Variants in ABCA9 observed in about 807,000 individuals in gnomAD.
The protein encoded by ABCA9 is ATP-binding cassette sub-family A member 9.
ABCA9 carries 183 observed loss-of-function variants against 205.3 expected under a neutral mutation model. The observed-to-expected ratio is 0.89, with a 90% CI of 0.79 to 1.01. The LOEUF (loss-of-function observed/expected upper bound fraction) is 1.01. Ranked by LOEUF, ABCA9 falls within the 50% of genes least tolerant of loss-of-function variation. The pLI is 0.00. For missense variants in ABCA9, 1,805 were observed against 1,912.4 expected (o/e 0.94, Z 1.05); for synonymous variants, 651 against 683.3 (o/e 0.95, Z 0.74).
At chr17:69,000,435 A>T (rs1486574563) in intron 25 of ABCA9, among the ~76,000 whole-genome samples, 2 of 152,086 alleles carry the variant, frequency 1.3e-5, no homozygotes, top group Non-Finnish European at 2.9e-5. Context: ...TCAGATAGTT[A>T]TAGATAAGCG....
In ABCA9 at chr17:69,051,131, A is replaced by T; in HGVS notation, c.-5T>A. On this transcript the variant is annotated 5_prime_UTR_variant, in exon 2 of 39. Transcript: ENST00000340001. ...GCTCATGCGTCTCTTGCTCATTTTG[A>T]CCTGTTTCCTTTAAAAAGACAGAAA... is the stretch of plus-strand genomic sequence containing the variant. 6.2e-7 allele frequency: 1 copy of T among 1,613,126 alleles called. No homozygotes were observed. The highest frequency in any genetic ancestry group is 8.5e-7 in the Non-Finnish European group (1 of 1,179,572).
At chr17:69,073,405 C>T in the ABCA9 span, among the ~76,000 whole-genome samples, 4 of 152,208 alleles carry the variant, frequency 2.6e-5, no homozygotes, top group African/African-American at 9.6e-5. Context: ...AACAGTCTCT[C>T]AGAAGACAGT....
At chr17:68,997,182 C>T (rs7218100) in intron 25 of ABCA9, among the ~76,000 whole-genome samples, 14,698 of 152,266 alleles carry the variant, frequency 0.097, 1,564 homozygotes, top group African/African-American at 0.26. Context: ...CCACCCACCT[C>T]GGCCTCCCAA....
At chr17:69,028,944 A>G (rs1248848405) in intron 11 of ABCA9, among the ~76,000 whole-genome samples, 2 of 152,140 alleles carry the variant, frequency 1.3e-5, no homozygotes, top group Non-Finnish European at 2.9e-5. Context: ...ATTTCATAAT[A>G]CTATCATATA....
chr17:68,997,393 A>T lies in ABCA9; in HGVS notation c.3436-1379T>A, dbSNP rs763005363. 9.1e-4 allele frequency among the ~76,000 whole-genome samples: 139 copies of T among 152,004 alleles called. 3 individuals carry two copies. Among genetic ancestry groups the T allele is most frequent in the Non-Finnish European group, 2.9e-4 (20 of 67,978 alleles). On this transcript the variant is annotated intron_variant, in intron 25 of 38. Transcript: ENST00000340001. ...CAAAAGGAACTCTTCAACTTTATGA[A>T]TTTTTTCTATTAAATATTTAAGTAT...
intron 23 of ABCA9, among the ~76,000 whole-genome samples, chr17:69,009,449 G>C (rs1244907143): frequency 6.6e-6 from 1 of 152,178 alleles, no homozygotes; most frequent in Non-Finnish European, 1.5e-5. Context: ...AAAGAAGCCA[G>C]TGTGGCTGGA....
chr17:69,043,798 C>A, intron 5 of ABCA9, 83 bp from the exon 6 acceptor site: 2 of 1,141,182 alleles, frequency 1.8e-6, no homozygotes, highest in East Asian at 2.4e-5. Context: ...TAAGGAATCA[C>A]GTACATTCTA....
intron 26 of ABCA9, among the ~76,000 whole-genome samples, chr17:68,994,611 C>T (rs2069557098): frequency 6.6e-6 from 1 of 152,182 alleles, no homozygotes; most frequent in African/African-American, 2.4e-5. Context: ...AAGTTAATGA[C>T]TTCCCCTCTT....
At chr17:68,977,423 A>G (rs548926938) in intron 37 of ABCA9, among the ~76,000 whole-genome samples, 1 of 152,350 alleles carries the variant, frequency 6.6e-6, no homozygotes, top group African/African-American at 2.4e-5. Context: ...ATGCAATATT[A>G]TCTCTTCTTT....
intron 25 of ABCA9, among the ~76,000 whole-genome samples, chr17:68,999,339 ATTG>A (rs1374393540): frequency 2.5e-4 from 33 of 131,382 alleles, no homozygotes; most frequent in African/African-American, 8.3e-4. Flanking sequence ...ATGTGATCTC[ATTG>A]TTCAATTCCC....
At chr17:69,058,839 A>C (rs1030286213) in intron 1 of ABCA9, among the ~76,000 whole-genome samples, 1 of 151,270 alleles carries the variant, frequency 6.6e-6, no homozygotes, top group African/African-American at 2.4e-5. Flanking sequence ...ACTGTCTCAA[A>C]AAAAAAAAAA....
chr17:69,061,280 A>T (rs566323580), upstream of ABCA9: 7 of 389,218 alleles, frequency 1.8e-5, no homozygotes, highest in South Asian at 7.5e-4. Flanking sequence ...ATAAGTAAGA[A>T]GCCAATCCAG....
At chr17:69,005,517 C>T (rs1020735348) in intron 25 of ABCA9, among the ~76,000 whole-genome samples, 1 of 152,186 alleles carries the variant, frequency 6.6e-6, no homozygotes, top group Non-Finnish European at 1.5e-5. Context: ...CTTTTTAGAG[C>T]CAATTATTAG....
Position 69,035,371 on chromosome 17 carries a change from C to T in ABCA9, c.1003G>A (p.Val335Met), listed in dbSNP as rs745559004. Residue 335 changes from valine (V) to methionine (M), a missense_variant, in exon 8 of 39, where the codon GTG (valine) becomes ATG (methionine). By Grantham distance (21) the Val-to-Met change is conservative (BLOSUM62 1). Coordinates refer to ENST00000340001, the MANE Select transcript of ABCA9 (RefSeq NM_080283.4). ...IKKPFLTGLV[V>M]FLLIVFWGIL... ...CCCCAAAAGACAATAAGGAGAAACA[C>T]AACCAAGCCCGTAAGGAAAGGTTTC... The T allele has an allele frequency of 3.1e-6, 5 of 1,607,942 alleles. No individual in the cohort carries two copies. The highest frequency in any genetic ancestry group is 2.5e-6 in the Non-Finnish European group (3 of 1,176,934).
chr17:69,007,829 G>C lies in ABCA9; in HGVS notation c.3365C>G (p.Thr1122Arg), dbSNP rs2070203549. 2 of 1,611,530 alleles carry C rather than the reference G, an allele frequency of 1.2e-6. No homozygotes were observed. Among genetic ancestry groups the C allele is most frequent in the Admixed American group, 1.7e-5 (1 of 59,928 alleles). Reference sequence around the variant, plus strand: ...GCGAAAAATGAATGAAATCACATATGTCAAGAAAACAAGAGATGAGACATA... The same window carrying C: ...GCGAAAAATGAATGAAATCACATATCTCAAGAAAACAAGAGATGAGACATA... ...IGYVSSLVFL[T>R]YVISFIFRNG... The change falls in exon 25 of 39, where the codon ACA (threonine) becomes AGA (arginine). Residue 1122 changes from threonine to arginine, a missense_variant. Transcript: ENST00000340001.
intron 16 of ABCA9, among the ~76,000 whole-genome samples, chr17:69,026,037 G>A (rs894560583): frequency 7.2e-5 from 11 of 152,138 alleles, no homozygotes; most frequent in Admixed American, 3.9e-4. Flanking sequence ...GGAGAATACA[G>A]GGTATTGAAA....
At chr17:68,982,724 G>T in intron 36 of ABCA9, 83 bp from the exon 37 acceptor site, 1 of 1,141,478 alleles carries the variant, frequency 8.8e-7, no homozygotes, top group Non-Finnish European at 1.3e-6. Context: ...GGGAAACAAG[G>T]CTAGGCATGG....
In ABCA9 at chr17:69,049,267, C is replaced by CA; in HGVS notation, c.304+15dup. The CA allele has an allele frequency of 1.3e-6, 2 of 1,569,462 alleles. No individual in the cohort carries two copies. Among genetic ancestry groups the CA allele is most frequent in the Non-Finnish European group, 1.7e-6 (2 of 1,153,056 alleles). ...TTGCAAATAAGGAAATTACTATGAA[C>CA]AACCAGGGAACATACCTTTTAGGAA... is the stretch of plus-strand genomic sequence containing the variant. On this transcript the variant is annotated intron_variant, in intron 3 of 38. Coordinates refer to ENST00000340001, the MANE Select transcript of ABCA9 (RefSeq NM_080283.4).
intron 25 of ABCA9, among the ~76,000 whole-genome samples, chr17:68,998,554 A>G (rs1457593474): frequency 6.6e-6 from 1 of 152,118 alleles, no homozygotes; most frequent in East Asian, 1.9e-4. Context: ...AGTTCTTTCT[A>G]AATTTAAGAA....
Sources: gnomAD v4.1 joint callset for allele counts (sites outside exome capture counted in the v4.1 genomes callset) on GRCh38, gnomAD v4.1.1 for gene constraint, MANE v1.5 for transcripts, NCBI Gene and HGNC (gene_info 2026-07-23, HGNC 2026-07-21) for gene names.